Variants in LRP2 observed in about 807,000 individuals in gnomAD.
LRP2 encodes the protein low-density lipoprotein receptor-related protein 2.
In LRP2, 172 loss-of-function variants were observed where a neutral mutation model predicts 531.0. The observed-to-expected ratio is 0.32, with a 90% CI of 0.29 to 0.37. The LOEUF (loss-of-function observed/expected upper bound fraction) is 0.37. Ranked by LOEUF, LRP2 falls within the 10% of genes least tolerant of loss-of-function variation. The probability of loss-of-function intolerance (pLI) is 1.00; values close to 1 mark genes in which losing one functional copy is unlikely to be tolerated. For synonymous variants in LRP2, 1,992 were observed against 2,027.6 expected (o/e 0.98, Z 0.47); for missense variants, 5,167 against 5,868.3 (o/e 0.88, Z 3.90).
chr2:169,338,324 AAG>A (rs1685463751), intron 1 of LRP2, among the ~76,000 whole-genome samples: 1 of 143,114 alleles, frequency 7.0e-6, no homozygotes, highest in Non-Finnish European at 1.5e-5. Flanking sequence ...GATAGAATGT[AAG>A]AGAGACAGAG....
chr2:169,190,797 G>A (rs1435851665), intron 48 of LRP2, among the ~76,000 whole-genome samples: 1 of 152,126 alleles, frequency 6.6e-6, no homozygotes, highest in Non-Finnish European at 1.5e-5. Flanking sequence ...TTGAGCAAGC[G>A]CCTTTCTGGA....
At chr2:169,335,756 G>A (rs189859931) in intron 1 of LRP2, among the ~76,000 whole-genome samples, 146 of 152,202 alleles carry the variant, frequency 9.6e-4, no homozygotes, top group East Asian at 3.5e-3. Flanking sequence ...GATTACTCCC[G>A]TAATCCCAGC....
chr2:169,334,412 A>C (rs1685347086), intron 1 of LRP2, among the ~76,000 whole-genome samples: 1 of 152,242 alleles, frequency 6.6e-6, no homozygotes, highest in Admixed American at 6.5e-5. Flanking sequence ...TTGGTCAAGA[A>C]TAGAGTTTTC....
In LRP2 at chr2:169,206,740, G is replaced by A. The variant is rs886055084; in HGVS notation, c.6980C>T (p.Thr2327Ile). The A allele has an allele frequency of 6.2e-7, 1 of 1,614,138 alleles. No homozygotes were observed. The highest frequency in any genetic ancestry group is 8.5e-7 in the Non-Finnish European group (1 of 1,180,018). The change falls in exon 39 of 79, where the codon ACC becomes ATC. Residue 2327 changes from threonine to isoleucine, a missense_variant. By Grantham distance (89) the Thr-to-Ile change is moderately conservative (BLOSUM62 -1). Around this residue, in one of 6 missense-constraint regions of LRP2, gnomAD observed 2,811 missense variants for 3,058.0 expected, o/e 0.92. Coordinates refer to ENST00000649046, the MANE Select transcript of LRP2 (RefSeq NM_004525.3). ...GGGCTGGACTTGCTTGTCAAAGATG[G>A]TCACATCTCTTAGCCAGTTGATATT... ...RDNINWLRDV[T>I]IFDKQVQPRS...
intron 21 of LRP2, 115 bp downstream of exon 21, chr2:169,246,590 G>T: frequency 7.9e-7 from 1 of 1,273,738 alleles, no homozygotes; most frequent in South Asian, 1.2e-5. Flanking sequence ...TTAAGAATCT[G>T]AAATTCTAAA....
chr2:169,312,318 C>G (rs1278491170), intron 3 of LRP2, among the ~76,000 whole-genome samples: 1 of 152,046 alleles, frequency 6.6e-6, no homozygotes, highest in East Asian at 1.9e-4. Flanking sequence ...TAGAATTTGG[C>G]ATGTTTTTGC....
rs1342069896 is a variant in LRP2, at chr2:169,246,849, C to G, written c.3046G>C (p.Asp1016His). ...TCTGTGGGTGGTTCATTGGTTGGGT[C>G]CCCCTCGCATGTCAAGTGATTGGAA... ...LASNHLTCEGDPTNEPPTEQC... is the reference protein window; with the variant it reads ...LASNHLTCEGHPTNEPPTEQC... Residue 1016 changes from aspartate (D) to histidine (H), a missense_variant, in exon 21 of 79, where the codon GAC becomes CAC. Around this residue, in one of 6 missense-constraint regions of LRP2, gnomAD observed 2,811 missense variants for 3,058.0 expected, o/e 0.92. Transcript: ENST00000649046. The G allele has an allele frequency of 1.2e-6, 2 of 1,613,958 alleles. No homozygotes were observed. Among genetic ancestry groups the G allele is most frequent in the Non-Finnish European group, 1.7e-6 (2 of 1,179,986 alleles).
intron 24 of LRP2, among the ~76,000 whole-genome samples, chr2:169,242,640 G>C (rs1689850197): frequency 1.3e-5 from 2 of 152,128 alleles, no homozygotes; most frequent in Non-Finnish European, 2.9e-5. Context: ...ATATGGAGTA[G>C]AGCCTCAAAA....
Position 169,185,919 on chromosome 2 carries a change from G to C in LRP2, c.9429C>G (p.Leu3143=). 1 of 1,613,984 alleles carries C rather than the reference G, an allele frequency of 6.2e-7. No homozygotes were observed. The highest frequency in any genetic ancestry group is 2.2e-5 in the East Asian group (1 of 44,870). ...FYCSCRPGYK[L]MSDKRTCVDI... is the part of the protein sequence containing the mutation. ...CAACACAAGTCCGCTTGTCAGACAT[G>C]AGCTTGTAACCAGGACGACAGGAAC... The change falls in exon 50 of 79, where the codon CTC becomes CTG. Residue 3143 remains leucine, a synonymous_variant. Transcript: ENST00000649046.
intron 1 of LRP2, among the ~76,000 whole-genome samples, chr2:169,337,333 G>C (rs924961648): frequency 7.2e-5 from 11 of 152,174 alleles, no homozygotes; most frequent in African/African-American, 1.7e-4. Context: ...GGGGAACAGA[G>C]TATCTTATCA....
Position 169,156,270 on chromosome 2 carries a change from A to G in LRP2, c.12151+4T>C, listed in dbSNP as rs17848192. ...CAATTAATCCCAACATGAACCCATC[A>G]TACCCTCAGCTGCACATCGTTTTCC... On this transcript the variant is annotated splice_donor_region_variant and intron_variant, in intron 65 of 78. Coordinates refer to ENST00000649046, the MANE Select transcript of LRP2 (RefSeq NM_004525.3). 7,956 of 1,613,564 alleles carry G rather than the reference A, an allele frequency of 4.9e-3. 271 individuals are homozygous for G. The African/African-American group carries it at 0.084, about 17-fold the overall frequency.
At chr2:169,273,351 C>G (rs953594928) in intron 14 of LRP2, among the ~76,000 whole-genome samples, 1 of 152,136 alleles carries the variant, frequency 6.6e-6, no homozygotes, top group African/African-American at 2.4e-5. Context: ...AGTATGTCTG[C>G]TATCCTCCAT....
chr2:169,273,110 T>C, intron 14 of LRP2, 43 bp from the exon 15 acceptor site: 1 of 1,611,944 alleles, frequency 6.2e-7, no homozygotes, highest in Non-Finnish European at 8.5e-7. Context: ...ATTAGAAATG[T>C]GTAATTATCC....
chr2:169,191,514 A>C (rs1687827466), intron 48 of LRP2, among the ~76,000 whole-genome samples: 1 of 152,074 alleles, frequency 6.6e-6, no homozygotes, highest in Admixed American at 6.5e-5. Context: ...TCCTTCCTCC[A>C]TAAAAATATT....
chr2:169,211,643 G>A (rs1688596733), intron 37 of LRP2, among the ~76,000 whole-genome samples: 1 of 152,124 alleles, frequency 6.6e-6, no homozygotes, highest in Admixed American at 6.6e-5. Flanking sequence ...CTCTGGGCCT[G>A]TGGTTCTTAG....
At chr2:169,295,324 C>T (rs966793693) in intron 4 of LRP2, among the ~76,000 whole-genome samples, 1 of 152,156 alleles carries the variant, frequency 6.6e-6, no homozygotes, top group African/African-American at 2.4e-5. Context: ...GGTAGAGCGG[C>T]CTGAAAAGAC....
At chr2:169,248,145 A>G (rs199557065) in intron 19 of LRP2, among the ~76,000 whole-genome samples, 2 of 36,600 alleles carry the variant, frequency 5.5e-5, no homozygotes, top group Non-Finnish European at 1.0e-4. Context: ...TACTAATGTT[A>G]GAATGATGCT....
chr2:169,282,823 A>G (rs1411839096), intron 10 of LRP2, 50 bp downstream of exon 10: 2 of 1,580,958 alleles, frequency 1.3e-6, no homozygotes, highest in African/African-American at 1.3e-5. Flanking sequence ...GAAAGAAGCT[A>G]TTAGAATCTG....
Position 169,182,248 on chromosome 2 carries a change from A to G in LRP2, c.9917T>C (p.Met3306Thr). Residue 3306 changes from methionine to threonine, a missense_variant, in exon 51 of 79, where the codon ATG becomes ACG. By Grantham distance (81) the Met-to-Thr change is moderately conservative. Transcript: ENST00000649046. ...GGCATCCACACAGTGCTGGGCCAGC[A>G]TGCGGCGGTGTCCACCATTGAGGTC... ...VSDLNGGHRRMLAQHCVDANN... is the reference protein window; with the variant it reads ...VSDLNGGHRRTLAQHCVDANN... 6.2e-7 allele frequency: 1 copy of G among 1,614,180 alleles called. No homozygotes were observed. The highest frequency in any genetic ancestry group is 8.5e-7 in the Non-Finnish European group (1 of 1,180,006).
Sources: allele counts gnomAD v4.1 joint callset (sites outside exome capture counted in the v4.1 genomes callset), GRCh38; gene constraint gnomAD v4.1.1; regional missense constraint gnomAD v4.1.1; transcripts MANE v1.5; gene names NCBI Gene and HGNC (gene_info 2026-07-23, HGNC 2026-07-21).